Variants in TEX264 observed in about 807,000 individuals in gnomAD.
TEX264 encodes the protein testis expressed 264, ER-phagy receptor.
Under a neutral mutation model 23.4 loss-of-function variants are expected in TEX264, and 13 were observed. The observed-to-expected ratio is 0.56, with a 90% CI of 0.36 to 0.88. The LOEUF is 0.88. Ranked by LOEUF, TEX264 falls within the 40% of genes least tolerant of loss-of-function variation. The pLI, the probability that TEX264 is intolerant of heterozygous loss-of-function variation, is 0.01. For missense variants in TEX264, 340 were observed against 406.8 expected (o/e 0.84, Z 1.41); for synonymous variants, 159 against 170.0 (o/e 0.94, Z 0.50).
intron 3 of TEX264, among the ~76,000 whole-genome samples, chr3:51,688,997 T>C (rs1439535136): frequency 1.3e-5 from 2 of 151,896 alleles, no homozygotes; most frequent in Non-Finnish European, 2.9e-5. Context: ...CAGGCATTTG[T>C]AGTCCCAGCT....
chr3:51,678,882 T>C (rs1388041614), intron 2 of TEX264, among the ~76,000 whole-genome samples: 1 of 152,198 alleles, frequency 6.6e-6, no homozygotes, highest in Non-Finnish European at 1.5e-5. Flanking sequence ...TTCCCAGGAC[T>C]GACCTCCTCA....
intron 3 of TEX264, among the ~76,000 whole-genome samples, chr3:51,697,876 C>T (rs1014544400): frequency 6.6e-6 from 1 of 152,148 alleles, no homozygotes; most frequent in East Asian, 1.9e-4. Flanking sequence ...TGGAGGAAGC[C>T]CCGAGGGCAC....
At chr3:51,675,194 A>G (rs1355913977) in intron 2 of TEX264, among the ~76,000 whole-genome samples, 3 of 152,230 alleles carry the variant, frequency 2.0e-5, no homozygotes. Flanking sequence ...TGCTGAAGTC[A>G]AAAACTAATC....
intron 4 of TEX264, among the ~76,000 whole-genome samples, chr3:51,700,277 A>G (rs962549924): frequency 2.6e-5 from 4 of 152,120 alleles, no homozygotes; most frequent in Non-Finnish European, 1.5e-5. Flanking sequence ...TCCTTGGCCA[A>G]CCTGGTGGAG....
intron 1 of TEX264, chr3:51,671,608 C>T (rs1239382925): frequency 6.4e-6 from 1 of 155,124 alleles, no homozygotes; most frequent in African/African-American, 2.4e-5. Context: ...GGCCGCGCCT[C>T]GCAGCCTGGG....
At position 51,686,050 on chromosome 3, in the gene TEX264, C is replaced by G. The variant is rs1201981385; in HGVS notation, c.480+1416C>G. Among the ~76,000 whole-genome samples, 1 of 151,922 alleles carries G rather than the reference C, an allele frequency of 6.6e-6. No individual in the cohort carries two copies. Among genetic ancestry groups the G allele is most frequent in the East Asian group, 1.9e-4 (1 of 5,184 alleles). ...GGCCCTGGTTTTGGGGGGAAGGTAGCTATTTGGGCTATGTCAGGGGAGCTG... is the reference window on the plus strand; with the variant it reads ...GGCCCTGGTTTTGGGGGGAAGGTAGGTATTTGGGCTATGTCAGGGGAGCTG... On this transcript the variant is annotated intron_variant, in intron 3 of 4. Coordinates refer to ENST00000341333, the MANE Select transcript of TEX264 (RefSeq NM_015926.6). This position sits in a 1 kb window ranked among gnomAD's most constrained non-coding sequence, Gnocchi z 4.1.
At position 51,677,295 on chromosome 3, in the gene TEX264, G is replaced by A. The variant is rs538894894; in HGVS notation, c.258+2733G>A. Among the ~76,000 whole-genome samples, 7 of 152,312 alleles carry A rather than the reference G, an allele frequency of 4.6e-5. No homozygotes were observed. In the South Asian group the frequency reaches 1.2e-3, roughly 27 times the overall value. Reference sequence around the variant, plus strand: ...GGGACCAGGACCTGCCAGTGTGTGGGTGTTAGGAGCCTAGAGGAAAGGCCC... The same window carrying A: ...GGGACCAGGACCTGCCAGTGTGTGGATGTTAGGAGCCTAGAGGAAAGGCCC... On this transcript the variant is annotated intron_variant, in intron 2 of 4. Coordinates refer to ENST00000341333, the MANE Select transcript of TEX264 (RefSeq NM_015926.6).
At chr3:51,689,467 A>G (rs77565932) in intron 3 of TEX264, among the ~76,000 whole-genome samples, 8 of 149,652 alleles carry the variant, frequency 5.3e-5, no homozygotes, top group African/African-American at 1.2e-4. Context: ...AAAAAAAAAA[A>G]GGGAAGGAAG....
intron 4 of TEX264, among the ~76,000 whole-genome samples, chr3:51,699,815 C>A (rs941133358): frequency 5.3e-5 from 8 of 152,164 alleles, no homozygotes; most frequent in African/African-American, 1.9e-4. Flanking sequence ...AACACAGATA[C>A]AAAGACCCTG....
At chr3:51,687,857 G>A (rs1229295578) in intron 3 of TEX264, among the ~76,000 whole-genome samples, 2 of 152,224 alleles carry the variant, frequency 1.3e-5, no homozygotes, top group Non-Finnish European at 2.9e-5. Context: ...AGTTCACGGC[G>A]AGAGGCCCAA....
intron 3 of TEX264, among the ~76,000 whole-genome samples, chr3:51,693,171 G>A (rs965074840): frequency 2.0e-5 from 3 of 152,324 alleles, no homozygotes; most frequent in Non-Finnish European, 2.9e-5. Context: ...GGCCTGCGTC[G>A]TGCCAGGGAG....
chr3:51,699,431 G>A lies in TEX264; in HGVS notation c.506G>A (p.Arg169Gln), dbSNP rs762481142. ...GAGCGGAAGCTGTGTGCCTATCCTC[G>A]GCTGGAGATCTACCAGGAAGACCAG... The part of the protein sequence containing the change: ...IKERKLCAYP[R>Q]LEIYQEDQIH... The change falls in exon 4 of 5, where the codon CGG becomes CAG. Residue 169 changes from arginine to glutamine, a missense_variant. By Grantham distance (43) the Arg-to-Gln change is conservative. Coordinates refer to ENST00000341333, the MANE Select transcript of TEX264 (RefSeq NM_015926.6). 5.6e-6 allele frequency: 9 copies of A among 1,613,888 alleles called. No homozygotes were observed. The highest frequency in any genetic ancestry group is 2.2e-5 in the South Asian group (2 of 91,064).
At chr3:51,680,064 G>C (rs142410096) in intron 2 of TEX264, among the ~76,000 whole-genome samples, 3 of 152,208 alleles carry the variant, frequency 2.0e-5, no homozygotes, top group African/African-American at 7.2e-5. Context: ...GAAGGGCCCT[G>C]CCTCTACTTT....
intron 1 of TEX264, among the ~76,000 whole-genome samples, chr3:51,672,976 G>C (rs1702102271): frequency 6.6e-6 from 1 of 152,212 alleles, no homozygotes; most frequent in Admixed American, 6.5e-5. Context: ...AGATGGGTGA[G>C]ACTAGTGGGC....
Position 51,703,640 on chromosome 3 carries a change from G to C in TEX264, c.650-84G>C. 7.1e-7 allele frequency: 1 copy of C among 1,413,120 alleles called. No individual in the cohort carries two copies. Among genetic ancestry groups the C allele is most frequent in the Non-Finnish European group, 9.6e-7 (1 of 1,037,802 alleles). The allele number at this position is 1,413,120 out of a possible 1,614,324, so 87.5% of individuals were successfully genotyped here. ...GCCCGGGAGGCTGCATTATTCATGAGTGCACTGCGTGCTGAGTTGCCTCTC... is the reference window on the plus strand; with the variant it reads ...GCCCGGGAGGCTGCATTATTCATGACTGCACTGCGTGCTGAGTTGCCTCTC... On this transcript the variant is annotated intron_variant, in intron 4 of 4. Transcript: ENST00000341333. This position sits in a 1 kb window ranked among gnomAD's most constrained non-coding sequence, Gnocchi z 4.8.
intron 3 of TEX264, among the ~76,000 whole-genome samples, chr3:51,696,877 C>T (rs542934440): frequency 9.9e-4 from 151 of 152,280 alleles, no homozygotes; most frequent in African/African-American, 3.4e-3. Flanking sequence ...AGGACCAGGG[C>T]CCCCAGGTAA....
At position 51,703,349 on chromosome 3, in the gene TEX264, T is replaced by C. The variant is rs1200238475; in HGVS notation, c.650-375T>C. On this transcript the variant is annotated intron_variant, in intron 4 of 4. Transcript: ENST00000341333. This position sits in a 1 kb window ranked among gnomAD's most constrained non-coding sequence, Gnocchi z 4.8. ...TGGGGGAAGGTGGAGAGGACACTAC[T>C]TGTGTCTCTTTGTTCTACCTCAGCT... Among the ~76,000 whole-genome samples the C allele has an allele frequency of 6.6e-6, 1 of 152,174 alleles. No individual in the cohort carries two copies. The highest frequency in any genetic ancestry group is 1.5e-5 in the Non-Finnish European group (1 of 68,004).
chr3:51,700,372 C>T (rs1334710027), intron 4 of TEX264, among the ~76,000 whole-genome samples: 1 of 152,040 alleles, frequency 6.6e-6, no homozygotes, highest in African/African-American at 2.4e-5. Context: ...CTCTGCCCAT[C>T]CAGTCTTCAA....
intron 3 of TEX264, among the ~76,000 whole-genome samples, chr3:51,690,335 C>T (rs1702783526): frequency 6.6e-6 from 1 of 152,166 alleles, no homozygotes; most frequent in African/African-American, 2.4e-5. Flanking sequence ...AGTTTGAGAC[C>T]AGCCTGGCCA....
Sources: allele counts gnomAD v4.1 joint callset (sites outside exome capture counted in the v4.1 genomes callset), GRCh38; gene constraint gnomAD v4.1.1; non-coding constraint Gnocchi (gnomAD v3.1); transcripts MANE v1.5; gene names NCBI Gene and HGNC (gene_info 2026-07-23, HGNC 2026-07-21).